Variants in KMT2E observed in about 807,000 individuals in gnomAD.
KMT2E encodes lysine methyltransferase 2E (inactive).
Under a neutral mutation model 184.6 loss-of-function variants are expected in KMT2E, and 30 were observed. The observed-to-expected ratio is 0.16, with a 90% CI of 0.12 to 0.22. The LOEUF is 0.22. Among genes scored for constraint, KMT2E ranks in the 10% least tolerant of loss-of-function variants. The probability of loss-of-function intolerance (pLI) is 1.00; values close to 1 mark genes in which losing one functional copy is unlikely to be tolerated. For missense variants in KMT2E, 2,023 were observed against 2,237.4 expected, an observed-to-expected ratio of 0.90 and a Z score of 1.93; for synonymous variants, 815 against 776.5, an observed-to-expected ratio of 1.05 and a Z score of -0.82.
rs768691028 is a variant in KMT2E, at chr7:105,074,723, A to G, written c.637A>G (p.Ile213Val). 49 of 1,611,544 alleles carry G rather than the reference A, an allele frequency of 3.0e-5. No individual in the cohort carries two copies. Among genetic ancestry groups the G allele is most frequent in the South Asian group, 6.6e-5 (6 of 90,540 alleles). The change falls in exon 8 of 27, where the codon ATT becomes GTT. Residue 213 changes from isoleucine (I) to valine (V), a missense_variant. By Grantham distance (29) the Ile-to-Val change is conservative. Transcript: ENST00000311117. ...TGCATTTCAGCATACTCCAACATCA[A>G]TTACTTTAACTGCTTCAAGAGTTTC... The part of the protein sequence containing the change: ...YTAFQHTPTS[I>V]TLTASRVSKV...
chr7:105,018,914 T>G (rs1415082679), intron 1 of KMT2E, among the ~76,000 whole-genome samples: 1 of 152,192 alleles, frequency 6.6e-6, no homozygotes, highest in Non-Finnish European at 1.5e-5. Context: ...CTAAAAATCT[T>G]GCAATTGCTA....
chr7:105,027,929 T>G (rs1472404412), intron 1 of KMT2E, among the ~76,000 whole-genome samples: 2 of 152,134 alleles, frequency 1.3e-5, no homozygotes, highest in African/African-American at 4.8e-5. Flanking sequence ...ATCTGAAATA[T>G]TAAGATAATT....
intron 3 of KMT2E, among the ~76,000 whole-genome samples, chr7:105,041,482 A>G (rs887697833): frequency 6.6e-6 from 1 of 151,968 alleles, no homozygotes; most frequent in Non-Finnish European, 1.5e-5. Context: ...GCTCATTGCA[A>G]CCTCTGCCTC....
chr7:105,077,746 C>G, intron 11 of KMT2E: 1 of 235,392 alleles, frequency 4.2e-6, no homozygotes, highest in Non-Finnish European at 8.3e-6. Flanking sequence ...GTCAGGAATT[C>G]TGATTGATTG....
At chr7:105,108,186 ATGAG>A (rs1194159689) in intron 22 of KMT2E, among the ~76,000 whole-genome samples, 1 of 152,180 alleles carries the variant, frequency 6.6e-6, no homozygotes, top group Non-Finnish European at 1.5e-5. Context: ...ATTTCACCAA[ATGAG>A]TATTTTTTAA....
At position 105,077,454 on chromosome 7, in the gene KMT2E, A is replaced by G. The variant is rs1164231396; in HGVS notation, c.1130+21A>G. The G allele has an allele frequency of 3.2e-6, 5 of 1,578,826 alleles. No homozygotes were observed. In the East Asian group the frequency reaches 9.0e-5, roughly 28 times the overall value. On this transcript the variant is annotated intron_variant, in intron 11 of 26. Coordinates refer to ENST00000311117, the MANE Select transcript of KMT2E (RefSeq NM_182931.3). ...AAAAGGTATATTCATTTATTTTCCC[A>G]TGTTCATTTTCTGTAGGTAAATATT...
chr7:105,099,888 C>T (rs1230306278), intron 15 of KMT2E, among the ~76,000 whole-genome samples: 1 of 152,146 alleles, frequency 6.6e-6, no homozygotes, highest in Admixed American at 6.5e-5. Flanking sequence ...CAAATTTCTC[C>T]TCTTCTACAT....
intron 1 of KMT2E, among the ~76,000 whole-genome samples, chr7:105,035,839 G>A (rs1795630975): frequency 6.6e-6 from 1 of 152,128 alleles, no homozygotes; most frequent in Admixed American, 6.5e-5. Flanking sequence ...GATTACAGAT[G>A]TGAGCCACCA....
At chr7:105,021,690 G>A (rs1043345535) in intron 1 of KMT2E, among the ~76,000 whole-genome samples, 47 of 2,118 alleles carry the variant, frequency 0.022, no homozygotes, top group Admixed American at 0.071. Context: ...GTAGAGTGGC[G>A]TTTCTCAGAG....
At chr7:105,084,734 G>T (rs1707463338) in intron 13 of KMT2E, among the ~76,000 whole-genome samples, 1 of 152,012 alleles carries the variant, frequency 6.6e-6, no homozygotes, top group African/African-American at 2.4e-5. Context: ...GAGATGAACT[G>T]CTCCTGGGCA....
intron 1 of KMT2E, among the ~76,000 whole-genome samples, chr7:105,035,691 C>G (rs1039985426): frequency 6.6e-6 from 1 of 151,864 alleles, no homozygotes; most frequent in African/African-American, 2.4e-5. Context: ...TCCTGAGTAG[C>G]CAGGACTACA....
At position 105,042,355 on chromosome 7, in the gene KMT2E, AT is replaced by A. The variant is rs1454779929; in HGVS notation, c.71+1338del. Among the ~76,000 whole-genome samples the A allele has an allele frequency of 2.8e-5, 4 of 141,826 alleles. No individual in the cohort carries two copies. In the East Asian group the frequency reaches 8.4e-4, roughly 30 times the overall value. 93.0% of individuals were successfully genotyped at this position (141,826 alleles called of 152,430 possible). ...TTTGTTTCGTACTTAATCATAAACA[AT>A]TTTTTCTTATAATTTTTTTCACTTG... On this transcript the variant is annotated intron_variant, in intron 3 of 26. Transcript: ENST00000311117.
chr7:105,110,732 G>A, intron 25 of KMT2E, 39 bp from the exon 26 acceptor site: 3 of 1,591,980 alleles, frequency 1.9e-6, no homozygotes, highest in Non-Finnish European at 2.6e-6. Context: ...TGTTTATTGT[G>A]TAATTTTATA....
rs1173740073 is a variant in KMT2E, at chr7:105,110,356, G to T, written c.3832G>T (p.Asp1278Tyr). 6.2e-7 allele frequency: 1 copy of T among 1,613,990 alleles called. No homozygotes were observed. Among genetic ancestry groups the T allele is most frequent in the Non-Finnish European group, 8.5e-7 (1 of 1,179,988 alleles). The change falls in exon 24 of 27, where the codon GAT becomes TAT. Residue 1278 changes from aspartate to tyrosine, a missense_variant. Around this residue, in one of 8 missense-constraint regions of KMT2E, gnomAD observed 1,108 missense variants for 1,050.9 expected, o/e 1.05. Coordinates refer to ENST00000311117, the MANE Select transcript of KMT2E (RefSeq NM_182931.3). The stretch of plus-strand genomic sequence containing the variant: ...TTTACTTCTCAGTGATCACCGAAAA[G>T]ATAAAGATAGTGGTAAGTGAGCTTG... ...RALLLSDHRK[D>Y]KDSGGESPCV...
chr7:105,051,019 AC>A (rs1350260138), intron 3 of KMT2E, among the ~76,000 whole-genome samples: 1 of 149,494 alleles, frequency 6.7e-6, no homozygotes, highest in African/African-American at 2.5e-5. Flanking sequence ...GAGTCACAGC[AC>A]CAGGCCTCAT....
At chr7:105,064,382 G>C (rs1796951514) in intron 5 of KMT2E, among the ~76,000 whole-genome samples, 1 of 151,636 alleles carries the variant, frequency 6.6e-6, no homozygotes, top group Non-Finnish European at 1.5e-5. Context: ...TTAATTATTT[G>C]ATGTGATGCA....
chr7:105,089,973 A>G, intron 13 of KMT2E, 36 bp from the exon 14 acceptor site: 1 of 1,586,362 alleles, frequency 6.3e-7, no homozygotes, highest in Non-Finnish European at 8.5e-7. Context: ...TTTGTTTTAT[A>G]TTTTGAAATA....
At chr7:105,017,366 G>A (rs1484004079) in intron 1 of KMT2E, among the ~76,000 whole-genome samples, 1 of 151,514 alleles carries the variant, frequency 6.6e-6, no homozygotes, top group Non-Finnish European at 1.5e-5. Flanking sequence ...CTTCATATTG[G>A]CTTGCTTTAT....
Position 105,101,991 on chromosome 7 carries a change from C to T in KMT2E, c.1993C>T (p.Arg665Cys), listed in dbSNP as rs1798674969. 5 of 1,613,848 alleles carry T rather than the reference C, an allele frequency of 3.1e-6. No homozygotes were observed. Among genetic ancestry groups the T allele is most frequent in the South Asian group, 2.2e-5 (2 of 91,066 alleles). Reference protein sequence around the residue: ...SRSRTHIGQQRRRHRTVSMCS... With the variant: ...SRSRTHIGQQCRRHRTVSMCS... Reference sequence around the variant, plus strand: ...GAGTAGGACTCACATTGGACAGCAGCGTCGGAGACACAGAACTGTCAGCAT... The same window carrying T: ...GAGTAGGACTCACATTGGACAGCAGTGTCGGAGACACAGAACTGTCAGCAT... The change falls in exon 17 of 27, where the codon CGT becomes TGT. Residue 665 changes from arginine to cysteine, a missense_variant. Transcript: ENST00000311117.
Sources: allele counts gnomAD v4.1 joint callset (sites outside exome capture counted in the v4.1 genomes callset), GRCh38; gene constraint gnomAD v4.1.1; regional missense constraint gnomAD v4.1.1; transcripts MANE v1.5; gene names NCBI Gene and HGNC (gene_info 2026-07-23, HGNC 2026-07-21).